The following MOV10L1 variants were observed in gnomAD, a reference collection of about 807,000 sequenced individuals.
MOV10L1 encodes Mov10 like RNA helicase 1.
A neutral mutation model predicts 143.8 loss-of-function variants in MOV10L1; 110 were observed. That is an observed-to-expected ratio of 0.76 (90% CI 0.66 to 0.90). The LOEUF is 0.90. Ranked by LOEUF, MOV10L1 falls within the 40% of genes least tolerant of loss-of-function variation. MOV10L1 has a pLI of 0.00. For synonymous variants in MOV10L1, 593 were observed against 581.1 expected (o/e 1.02, Z -0.29); for missense variants, 1,406 against 1,526.8 (o/e 0.92, Z 1.32).
At chr22:50,090,434 A>C (rs764241935) in intron 1 of MOV10L1, 5 of 1,598,322 alleles carry the variant, frequency 3.1e-6, no homozygotes, top group Non-Finnish European at 4.3e-6. Flanking sequence ...TCCCGCCCTC[A>C]CTTTGTGTGT....
rs1394625204 is a variant in MOV10L1, at chr22:50,159,913, C to G, written c.3324+128C>G. The G allele has an allele frequency of 2.2e-5, 14 of 640,080 alleles. No homozygotes were observed. Among genetic ancestry groups the G allele is most frequent in the Non-Finnish European group, 2.7e-6 (1 of 364,428 alleles). 39.7% of individuals were successfully genotyped at this position (640,080 alleles called of 1,614,324 possible). On this transcript the variant is annotated intron_variant, in intron 24 of 26. Transcript: ENST00000262794. This position sits in a 1 kb window ranked among gnomAD's most constrained non-coding sequence, Gnocchi z 4.1. ...AGAGAAGCAGCTGCAGGCGGAGACTCCCTAGGTCCAGGAGCCATTGTAAGC... is the reference window on the plus strand; with the variant it reads ...AGAGAAGCAGCTGCAGGCGGAGACTGCCTAGGTCCAGGAGCCATTGTAAGC...
rs748888569 is a variant in MOV10L1 at position 50,117,150 on chromosome 22, T to A, written c.1260-7T>A. On this transcript the variant is annotated splice_region_variant and splice_polypyrimidine_tract_variant and intron_variant, in intron 8 of 26. Transcript: ENST00000262794. ...CTAAAACTAAATTTCATTTTGTTTT[T>A]TTCAAGAAATCCTGGCCGCTGCAAG... The A allele has an allele frequency of 1.1e-5, 17 of 1,585,150 alleles. No homozygotes were observed. The African/African-American group carries it at 2.2e-4, about 20-fold the overall frequency.
intron 21 of MOV10L1, 136 bp downstream of exon 21, chr22:50,151,035 C>CA: frequency 9.2e-7 from 1 of 1,085,902 alleles, no homozygotes; most frequent in Non-Finnish European, 1.3e-6. Context: ...CCCACCATAG[C>CA]ACCTCCCCCG....
At chr22:50,142,856 A>G (rs1043024061) in intron 16 of MOV10L1, among the ~76,000 whole-genome samples, 187 bp from the exon 17 acceptor site, 9 of 151,880 alleles carry the variant, frequency 5.9e-5, no homozygotes, top group African/African-American at 2.2e-4. Context: ...AAAAAAATGC[A>G]AACAGATTAT....
chr22:50,137,803 ATATATATACATATATAAATATACATATTT>A (rs1402399769), intron 15 of MOV10L1, among the ~76,000 whole-genome samples: 8 of 53,914 alleles, frequency 1.5e-4, no homozygotes, highest in East Asian at 3.7e-4. Flanking sequence ...TACATATTTT[ATATATATACATATATAAATATACATATTT>A]TATATATACA....
rs151215930 is a variant in MOV10L1 at position 50,117,275 on chromosome 22, T to C, written c.1378T>C (p.Phe460Leu). 3.5e-4 allele frequency: 559 copies of C among 1,614,194 alleles called. 1 individual carries two copies. In the African/African-American group the frequency reaches 6.4e-3, roughly 18 times the overall value. The stretch of plus-strand genomic sequence containing the variant: ...GTCACTAATTGCTGCGCGCGAACCA[T>C]TTTCTTGGAAAAAGCTTAAAAGTTC... Reference protein sequence around the residue: ...EESLIAAREPFSWKKLKSSQA... With the variant: ...EESLIAAREPLSWKKLKSSQA... Residue 460 changes from phenylalanine to leucine, a missense_variant, in exon 9 of 27, where the codon TTT (phenylalanine) becomes CTT (leucine). Coordinates refer to ENST00000262794, the MANE Select transcript of MOV10L1 (RefSeq NM_018995.3).
At chr22:50,149,490 C>T (rs1315915744) in intron 19 of MOV10L1, 125 bp from the exon 20 acceptor site, 1 of 847,280 alleles carries the variant, frequency 1.2e-6, no homozygotes, top group Non-Finnish European at 1.8e-6. Flanking sequence ...CCCCCAGCTC[C>T]TGCACACCCC....
chr22:50,124,606 C>G (rs1027239338), intron 10 of MOV10L1, among the ~76,000 whole-genome samples: 8 of 152,212 alleles, frequency 5.3e-5, no homozygotes, highest in Non-Finnish European at 1.0e-4. Flanking sequence ...TCCGGGCAGG[C>G]TGCTGTGAGT....
chr22:50,156,036 A>G (rs990104318), intron 22 of MOV10L1, among the ~76,000 whole-genome samples: 1 of 152,152 alleles, frequency 6.6e-6, no homozygotes, highest in African/African-American at 2.4e-5. Context: ...TGGGCGACAG[A>G]GTGAAACCCT....
At chr22:50,146,412 A>G (rs2063153902) in intron 19 of MOV10L1, among the ~76,000 whole-genome samples, 2 of 151,572 alleles carry the variant, frequency 1.3e-5, no homozygotes, top group Admixed American at 1.3e-4. Flanking sequence ...TGGGAGGAAG[A>G]GCTTCGAGCC....
intron 19 of MOV10L1, chr22:50,149,375 A>G: frequency 1.9e-6 from 1 of 518,744 alleles, no homozygotes. Flanking sequence ...TTCCCTCCAC[A>G]TCTCTAGAAA....
intron 16 of MOV10L1, among the ~76,000 whole-genome samples, chr22:50,142,485 C>A (rs1289241131): frequency 1.3e-5 from 2 of 152,068 alleles, no homozygotes; most frequent in East Asian, 3.9e-4. Context: ...GGTTGACAGC[C>A]TGTCATTTTC....
At chr22:50,141,958 A>G (rs778855687) in intron 15 of MOV10L1, 123 bp from the exon 16 acceptor site, 6 of 603,308 alleles carry the variant, frequency 9.9e-6, no homozygotes, top group Non-Finnish European at 1.4e-5. Flanking sequence ...CCTGTGATCC[A>G]TCCAAAGAGC....
rs781707581 is a variant in MOV10L1 at position 50,115,134 on chromosome 22, GA to G, written c.1151del (p.Asn384MetfsTer13). ...CCCAGGTGATTGTACCTGTAAAGGA[GA>G]AAATGGAGAAAAAGACAACATTCTA... ...ISPGDCTCKG[E>X]NGEKDNILSR... On this transcript the variant is annotated frameshift_variant, in exon 8 of 27. Transcript: ENST00000262794. LOFTEE classifies it high-confidence loss of function. 1.6e-5 allele frequency: 25 copies of G among 1,569,992 alleles called. No individual in the cohort carries two copies. Among genetic ancestry groups the G allele is most frequent in the Non-Finnish European group, 2.1e-5 (25 of 1,166,464 alleles).
At chr22:50,139,469 C>G (rs2062921186) in intron 15 of MOV10L1, among the ~76,000 whole-genome samples, 1 of 151,430 alleles carries the variant, frequency 6.6e-6, no homozygotes, top group Non-Finnish European at 1.5e-5. Flanking sequence ...CCCAGTGACC[C>G]AGGAGACTGA....
chr22:50,106,271 T>C (rs9617072), intron 3 of MOV10L1, among the ~76,000 whole-genome samples: 33,655 of 150,656 alleles, frequency 0.22, 4,111 homozygotes, highest in Admixed American at 0.35. Flanking sequence ...CATCCCACCT[T>C]AGCCTCGTGA....
At chr22:50,143,443 A>G (rs1410250393) in intron 17 of MOV10L1, 12 of 552,358 alleles carry the variant, frequency 2.2e-5, no homozygotes, top group Non-Finnish European at 3.2e-5. Flanking sequence ...CTGGTAAACT[A>G]TTTTATCTGA....
At chr22:50,151,062 C>T (rs556164655) in intron 21 of MOV10L1, among the ~76,000 whole-genome samples, 163 bp downstream of exon 21, 178 of 152,328 alleles carry the variant, frequency 1.2e-3, no homozygotes, top group Admixed American at 2.3e-3. Flanking sequence ...GAAACTGCAG[C>T]CTGGTGCTGA....
At chr22:50,111,739 A>G (rs575002502) in intron 5 of MOV10L1, among the ~76,000 whole-genome samples, 2 of 151,752 alleles carry the variant, frequency 1.3e-5, no homozygotes, top group South Asian at 2.1e-4. Context: ...TCCTGACCTC[A>G]TGATCCGCCC....
Sources: gnomAD v4.1 joint callset for allele counts (sites outside exome capture counted in the v4.1 genomes callset) on GRCh38, gnomAD v4.1.1 for gene constraint, Gnocchi (gnomAD v3.1) non-coding constraint, MANE v1.5 for transcripts, NCBI Gene and HGNC (gene_info 2026-07-23, HGNC 2026-07-21) for gene names.